VIP: variants seen among roughly 807,000 people sequenced by gnomAD.
VIP encodes VIP peptides.
In VIP, 18 loss-of-function variants were observed where a neutral mutation model predicts 20.1. The ratio of observed to expected loss-of-function variants is 0.90; its 90% CI spans 0.62 to 1.33. The LOEUF (loss-of-function observed/expected upper bound fraction) is 1.33. Among genes scored for constraint, VIP ranks in the 40% most tolerant of loss-of-function variants. The pLI is 0.00. For synonymous variants in VIP, 70 were observed against 68.1 expected (o/e 1.03, Z -0.14); for missense variants, 209 against 199.4 (o/e 1.05, Z -0.29).
At chr6:152,756,620 A>G (rs943037914) in intron 5 of VIP, among the ~76,000 whole-genome samples, 1 of 152,146 alleles carries the variant, frequency 6.6e-6, no homozygotes, top group East Asian at 1.9e-4. Context: ...TTTTTAAAAC[A>G]TGTAAAGCAT....
Position 152,759,667 on chromosome 6 carries a change from C to T in VIP, c.*801C>T, listed in dbSNP as rs1205237583. The T allele has an allele frequency of 6.6e-6, 1 of 151,804 alleles. No homozygotes were observed. The highest frequency in any genetic ancestry group is 1.5e-5 in the Non-Finnish European group (1 of 67,920). 9.4% of individuals were successfully genotyped at this position (151,804 alleles called of 1,614,324 possible). ...AATATTGCTTTGGTCATATGAGCTT[C>T]CTTCTGTGAAAGTACATTTGGAGAC... On this transcript the variant is annotated 3_prime_UTR_variant, in exon 7 of 7. Transcript: ENST00000367244.
Position 152,756,139 on chromosome 6 carries a change from A to C in VIP, c.341A>C (p.Asn114Thr). 6.4e-7 allele frequency: 1 copy of C among 1,559,016 alleles called. No homozygotes were observed. ...ESLMGKRVSS[N>T]ISEDPVPVKR... ...CTTTTCCTCATGTTCCTTAGCAGTA[A>C]CATCTCAGAAGACCCTGTACCAGTC... is the stretch of plus-strand genomic sequence containing the variant. The change falls in exon 5 of 7, where the codon AAC (asparagine) becomes ACC (threonine). Residue 114 changes from asparagine to threonine, a missense_variant. Transcript: ENST00000367244.
chr6:152,756,645 TG>T (rs1374644342), intron 5 of VIP, among the ~76,000 whole-genome samples: 2 of 151,998 alleles, frequency 1.3e-5, no homozygotes, highest in Non-Finnish European at 2.9e-5. Flanking sequence ...AATTGCAATT[TG>T]GTAACACATG....
chr6:152,754,102 C>G (rs181616433), intron 2 of VIP, 64 bp from the exon 3 acceptor site: 2 of 1,528,124 alleles, frequency 1.3e-6, no homozygotes, highest in Non-Finnish European at 1.8e-6. Context: ...TAAATGGTTG[C>G]GGAACCATAC....
chr6:152,751,778 A>G (rs1463785438), intron 1 of VIP, among the ~76,000 whole-genome samples: 1 of 152,200 alleles, frequency 6.6e-6, no homozygotes, highest in Non-Finnish European at 1.5e-5. Context: ...TTAGTCAGAT[A>G]CTGAAATTTT....
intron 4 of VIP, 146 bp from the exon 5 acceptor site, chr6:152,755,988 A>T: frequency 1.2e-6 from 1 of 812,218 alleles, no homozygotes; most frequent in Non-Finnish European, 1.8e-6. Context: ...CCTTAGGTTT[A>T]GTTGTATTTT....
At chr6:152,757,699 G>C (rs919942031) in intron 6 of VIP, among the ~76,000 whole-genome samples, 2 of 151,942 alleles carry the variant, frequency 1.3e-5, no homozygotes, top group East Asian at 3.9e-4. Context: ...AAACTTCATA[G>C]AGCAAAAGTT....
intron 5 of VIP, 86 bp from the exon 6 acceptor site, chr6:152,757,010 C>T: frequency 1.5e-6 from 2 of 1,322,174 alleles, no homozygotes; most frequent in Non-Finnish European, 2.1e-6. Flanking sequence ...GCACAGAGAA[C>T]AGCACATTCA....
intron 4 of VIP, among the ~76,000 whole-genome samples, 184 bp from the exon 5 acceptor site, chr6:152,755,950 T>C (rs970705528): frequency 2.0e-5 from 3 of 151,956 alleles, no homozygotes; most frequent in Non-Finnish European, 4.4e-5. Flanking sequence ...TGCCAAAATA[T>C]GGCAGATGAT....
intron 6 of VIP, among the ~76,000 whole-genome samples, chr6:152,757,494 C>T (rs1291336380): frequency 1.3e-5 from 2 of 151,928 alleles, no homozygotes; most frequent in African/African-American, 2.4e-5. Context: ...AGGAGGCTGA[C>T]TCACACTGAC....
intron 1 of VIP, 150 bp from the exon 2 acceptor site, chr6:152,752,018 G>A (rs2099729724): frequency 1.8e-6 from 1 of 566,766 alleles, no homozygotes; most frequent in Non-Finnish European, 3.1e-6. Flanking sequence ...ATTTTTGAAT[G>A]TATCATCTTG....
rs866763608 is a variant in VIP, at chr6:152,755,339, A to G, written c.301A>G (p.Lys101Glu). 6.3e-7 allele frequency: 1 copy of G among 1,594,834 alleles called. No homozygotes were observed. Among genetic ancestry groups the G allele is most frequent in the South Asian group, 1.1e-5 (1 of 87,020 alleles). Residue 101 changes from lysine to glutamate, a missense_variant, in exon 4 of 7, where the codon AAG becomes GAG. Coordinates refer to ENST00000367244, the MANE Select transcript of VIP (RefSeq NM_003381.4). Reference protein sequence around the residue: ...SKLLGQLSAKKYLESLMGKRV... With the variant: ...SKLLGQLSAKEYLESLMGKRV... ...ACTCTTGGGTCAACTTTCTGCCAAA[A>G]AGTACCTTGAGTCTCTTATGGGAAA...
At chr6:152,753,293 A>G (rs1238887115) in intron 2 of VIP, among the ~76,000 whole-genome samples, 1 of 152,138 alleles carries the variant, frequency 6.6e-6, no homozygotes, top group African/African-American at 2.4e-5. Flanking sequence ...ACTAGTTGCT[A>G]GTGACTCCCA....
In VIP at chr6:152,752,299, A is replaced by T; in HGVS notation, c.107+15A>T. ...TCTGCTCTCAGGTAAGTTCCCTTTC[A>T]ATTCAAACATCTGAACATTCCTTCC... On this transcript the variant is annotated intron_variant, in intron 2 of 6. Coordinates refer to ENST00000367244, the MANE Select transcript of VIP (RefSeq NM_003381.4). 8.8e-6 allele frequency: 14 copies of T among 1,594,522 alleles called. No homozygotes were observed. The highest frequency in any genetic ancestry group is 1.2e-5 in the Non-Finnish European group (14 of 1,164,460).
rs949829775 is a variant in VIP, at chr6:152,754,231, T to C, written c.173T>C (p.Ile58Thr). 5 of 1,611,870 alleles carry C rather than the reference T, an allele frequency of 3.1e-6. No individual in the cohort carries two copies. The African/African-American group carries it at 5.3e-5, about 17-fold the overall frequency. ...GATCAAGTTTCATTAAAAGAAGACA[T>C]TGACATGTTGCAAAATGCATTAGCT... ...EPDQVSLKED[I>T]DMLQNALAEN... The change falls in exon 3 of 7, where the codon ATT (isoleucine) becomes ACT (threonine). Residue 58 changes from isoleucine to threonine, a missense_variant. Ile to Thr is a moderately conservative substitution (Grantham distance 89). Transcript: ENST00000367244.
At chr6:152,754,750 GAAAGAGAA>G (rs1209070772) in intron 3 of VIP, among the ~76,000 whole-genome samples, 4 of 151,822 alleles carry the variant, frequency 2.6e-5, no homozygotes, top group Non-Finnish European at 5.9e-5. Context: ...TGCTTCATTT[GAAAGAGAA>G]AAGGTGGGAT....
intron 1 of VIP, 55 bp downstream of exon 1, chr6:152,751,014 TC>T (rs1263392826): frequency 6.6e-6 from 1 of 152,202 alleles, no homozygotes; most frequent in Non-Finnish European, 1.5e-5. Flanking sequence ...CTGGAACTTT[TC>T]TCACAAAATA....
rs2099730825 is a variant in VIP at position 152,759,013 on chromosome 6, T to G, written c.*147T>G. 1 of 152,454 alleles carries G rather than the reference T, an allele frequency of 6.6e-6. No individual in the cohort carries two copies. Among genetic ancestry groups the G allele is most frequent in the Non-Finnish European group, 1.5e-5 (1 of 67,944 alleles). 9.4% of individuals were successfully genotyped at this position (152,454 alleles called of 1,614,324 possible). ...TCCAAACCAAATAAAAATATTGTGTTGTGAATGTTGTGATGTATTCTAGCT... is the reference window on the plus strand; with the variant it reads ...TCCAAACCAAATAAAAATATTGTGTGGTGAATGTTGTGATGTATTCTAGCT... On this transcript the variant is annotated 3_prime_UTR_variant, in exon 7 of 7. Transcript: ENST00000367244.
At chr6:152,757,065 T>A in intron 5 of VIP, 31 bp from the exon 6 acceptor site, 1 of 1,609,424 alleles carries the variant, frequency 6.2e-7, no homozygotes, top group Non-Finnish European at 8.5e-7. Context: ...TCTGAGAGCC[T>A]TAATATGTAC....
Sources: allele counts gnomAD v4.1 joint callset (sites outside exome capture counted in the v4.1 genomes callset), GRCh38; gene constraint gnomAD v4.1.1; transcripts MANE v1.5; gene names NCBI Gene and HGNC (gene_info 2026-07-23, HGNC 2026-07-21).